VTI1A: variants seen among roughly 807,000 people sequenced by gnomAD.
The protein encoded by VTI1A is vesicle transport through interaction with t-SNAREs 1A.
A neutral mutation model predicts 34.9 loss-of-function variants in VTI1A; 22 were observed. That is an observed-to-expected ratio of 0.63 (90% CI 0.45 to 0.90). VTI1A has a LOEUF of 0.90. Among genes scored for constraint, VTI1A ranks in the 40% least tolerant of loss-of-function variants. The pLI, the probability that VTI1A is intolerant of heterozygous loss-of-function variation, is 0.00. For missense variants in VTI1A, 268 were observed against 275.6 expected (o/e 0.97, Z 0.20); for synonymous variants, 87 against 97.3 (o/e 0.89, Z 0.62).
chr10:112,725,613 C>T (rs1044297577), intron 7 of VTI1A, among the ~76,000 whole-genome samples: 3 of 152,214 alleles, frequency 2.0e-5, no homozygotes, highest in African/African-American at 4.8e-5. Context: ...TCACTTCTGT[C>T]ATTCAGTTTG....
chr10:112,836,735 T>C, the VTI1A span, among the ~76,000 whole-genome samples: 1 of 152,092 alleles, frequency 6.6e-6, no homozygotes, highest in Non-Finnish European at 1.5e-5. Flanking sequence ...GGATGGGACA[T>C]TGGAGCATGA....
chr10:112,517,202 G>A (rs544520768), intron 3 of VTI1A, among the ~76,000 whole-genome samples: 2 of 152,036 alleles, frequency 1.3e-5, no homozygotes, highest in Non-Finnish European at 2.9e-5. Context: ...TTCAAAGGGA[G>A]TGTGGTGCTG....
intron 3 of VTI1A, among the ~76,000 whole-genome samples, chr10:112,478,481 A>G (rs1848353628): frequency 6.6e-6 from 1 of 152,198 alleles, no homozygotes; most frequent in Non-Finnish European, 1.5e-5. Context: ...AGGTCAGAAA[A>G]TTTCTTAAAT....
chr10:112,676,605 G>A (rs1425928611), intron 7 of VTI1A, among the ~76,000 whole-genome samples: 1 of 151,982 alleles, frequency 6.6e-6, no homozygotes, highest in East Asian at 1.9e-4. Context: ...GCTCTCTTTG[G>A]GTGGGCAGTA....
At chr10:112,510,704 C>T (rs1849578522) in intron 3 of VTI1A, among the ~76,000 whole-genome samples, 1 of 152,142 alleles carries the variant, frequency 6.6e-6, no homozygotes, top group African/African-American at 2.4e-5. Flanking sequence ...AGAATTCATA[C>T]TTCATTGCCA....
intron 5 of VTI1A, among the ~76,000 whole-genome samples, chr10:112,599,887 A>G (rs1276716347): frequency 6.6e-6 from 1 of 152,142 alleles, no homozygotes; most frequent in African/African-American, 2.4e-5. Flanking sequence ...CCCACTGGAG[A>G]CTTTCTATGC....
At chr10:112,750,009 T>C (rs1330337391) in intron 7 of VTI1A, among the ~76,000 whole-genome samples, 1 of 152,192 alleles carries the variant, frequency 6.6e-6, no homozygotes, top group Non-Finnish European at 1.5e-5. Flanking sequence ...GATATATATG[T>C]AGTAAAAGTA....
intron 5 of VTI1A, among the ~76,000 whole-genome samples, chr10:112,648,620 T>C (rs1846894066): frequency 6.6e-6 from 1 of 152,242 alleles, no homozygotes; most frequent in African/African-American, 2.4e-5. Flanking sequence ...TATTCTGCCT[T>C]ATTCTGTCTT....
chr10:112,749,321 C>T (rs1440699180), intron 7 of VTI1A, among the ~76,000 whole-genome samples: 1 of 152,170 alleles, frequency 6.6e-6, no homozygotes, highest in Non-Finnish European at 1.5e-5. Flanking sequence ...TTTGTCCTCA[C>T]AAGACTTTCT....
chr10:112,502,604 T>C (rs971149004), intron 3 of VTI1A, among the ~76,000 whole-genome samples: 23 of 152,236 alleles, frequency 1.5e-4, no homozygotes, highest in Non-Finnish European at 4.4e-5. Flanking sequence ...TCATGCATTC[T>C]GAATTATTTT....
chr10:112,486,202 C>T (rs1043479766), intron 3 of VTI1A, among the ~76,000 whole-genome samples: 2 of 152,148 alleles, frequency 1.3e-5, no homozygotes, highest in African/African-American at 4.8e-5. Context: ...TTATATGTGA[C>T]AGCAATGGGG....
intron 3 of VTI1A, among the ~76,000 whole-genome samples, chr10:112,477,571 T>C (rs192040643): frequency 4.3e-4 from 66 of 152,264 alleles, no homozygotes; most frequent in Non-Finnish European, 7.3e-4. Flanking sequence ...AGACTTCTTT[T>C]ATTAGTCATG....
the VTI1A span, among the ~76,000 whole-genome samples, chr10:112,855,267 C>T: frequency 6.6e-6 from 1 of 152,190 alleles, no homozygotes; most frequent in Non-Finnish European, 1.5e-5. Flanking sequence ...CTCACCCACT[C>T]TACCCCCACC....
chr10:112,754,291 C>T (rs1851203927), intron 7 of VTI1A, among the ~76,000 whole-genome samples: 1 of 152,136 alleles, frequency 6.6e-6, no homozygotes, highest in East Asian at 1.9e-4. Context: ...GATCCTCAGG[C>T]CGCCCCGCTC....
intron 7 of VTI1A, among the ~76,000 whole-genome samples, chr10:112,787,256 T>A (rs1048833548): frequency 3.3e-5 from 5 of 152,234 alleles, no homozygotes; most frequent in Non-Finnish European, 5.9e-5. Flanking sequence ...CTTCTTTCAT[T>A]CCTGATATTG....
intron 7 of VTI1A, among the ~76,000 whole-genome samples, chr10:112,786,338 C>T (rs1223492075): frequency 1.3e-5 from 2 of 152,106 alleles, no homozygotes; most frequent in South Asian, 2.1e-4. Flanking sequence ...AGTATTTTGT[C>T]GATCTCTTAG....
At chr10:112,548,978 C>A (rs1851243112) in intron 5 of VTI1A, 1 of 637,186 alleles carries the variant, frequency 1.6e-6, no homozygotes, top group East Asian at 2.7e-5. Context: ...TCTTCTTCTC[C>A]TTCCCTGCCC....
intron 5 of VTI1A, among the ~76,000 whole-genome samples, chr10:112,605,453 C>T (rs1845042095): frequency 6.6e-6 from 1 of 152,172 alleles, no homozygotes; most frequent in Admixed American, 6.5e-5. Context: ...TTTACTGTTT[C>T]TCCACTACAA....
chr10:112,806,547 A>G (rs1853087176), intron 7 of VTI1A, among the ~76,000 whole-genome samples: 1 of 150,002 alleles, frequency 6.7e-6, no homozygotes, highest in African/African-American at 2.5e-5. Context: ...CCGCCTCCCA[A>G]AGTGCTGGGA....
Sources: allele counts gnomAD v4.1 joint callset (sites outside exome capture counted in the v4.1 genomes callset), GRCh38; gene constraint gnomAD v4.1.1; transcripts MANE v1.5; gene names NCBI Gene and HGNC (gene_info 2026-07-23, HGNC 2026-07-21).